SH3BGRL2: variants seen among roughly 807,000 people sequenced by gnomAD.
The protein encoded by SH3BGRL2 is SH3 domain binding glutamate rich protein like 2.
SH3BGRL2 carries 21 observed loss-of-function variants against 14.8 expected under a neutral mutation model. That is an observed-to-expected ratio of 1.42 (90% CI 1.01 to 2.05). The LOEUF (loss-of-function observed/expected upper bound fraction) is 2.05, where lower values mean the gene tolerates loss of function less well. Among genes scored for constraint, SH3BGRL2 ranks in the 30% most tolerant of loss-of-function variants. SH3BGRL2 has a pLI of 0.00. For synonymous variants in SH3BGRL2, 50 were observed against 47.8 expected (o/e 1.05, Z -0.19); for missense variants, 147 against 130.8 (o/e 1.12, Z -0.61).
chr6:79,696,993 A>G (rs905544114), intron 3 of SH3BGRL2, among the ~76,000 whole-genome samples: 1 of 152,140 alleles, frequency 6.6e-6, no homozygotes, highest in Non-Finnish European at 1.5e-5. Flanking sequence ...CTTGAAAAAA[A>G]TCTTCAATTC....
At chr6:79,567,424 T>TTCAC in the SH3BGRL2 span, among the ~76,000 whole-genome samples, 1 of 152,252 alleles carries the variant, frequency 6.6e-6, no homozygotes, top group Admixed American at 6.5e-5. Context: ...TATTTAAAGT[T>TTCAC]TCACTAGTAT....
chr6:79,554,543 A>C, the SH3BGRL2 span, among the ~76,000 whole-genome samples: 651 of 152,352 alleles, frequency 4.3e-3, 3 homozygotes, highest in Non-Finnish European at 6.2e-3. Flanking sequence ...TTTGTAATTC[A>C]AATGTACTTT....
the SH3BGRL2 span, among the ~76,000 whole-genome samples, chr6:79,544,136 TTCTG>T: frequency 6.6e-6 from 1 of 152,174 alleles, no homozygotes; most frequent in South Asian, 2.1e-4. Context: ...CATCCCTCTT[TTCTG>T]TCTAACACTA....
the SH3BGRL2 span, among the ~76,000 whole-genome samples, chr6:79,563,881 A>G: frequency 6.6e-6 from 1 of 152,236 alleles, no homozygotes; most frequent in Admixed American, 6.5e-5. Context: ...GTGTCTGTAA[A>G]TGGGGTTTTG....
the SH3BGRL2 span, among the ~76,000 whole-genome samples, chr6:79,547,595 C>T: frequency 6.6e-6 from 1 of 152,138 alleles, no homozygotes; most frequent in African/African-American, 2.4e-5. Flanking sequence ...AGACTGCTCC[C>T]CAACATTAGT....
the SH3BGRL2 span, among the ~76,000 whole-genome samples, chr6:79,595,598 C>CA: frequency 6.6e-6 from 1 of 152,068 alleles, no homozygotes; most frequent in South Asian, 2.1e-4. Context: ...TCAGTAGACA[C>CA]AGAAAATGCA....
At chr6:79,627,055 T>C (rs750966303), upstream of SH3BGRL2, among the ~76,000 whole-genome samples, 1 of 152,154 alleles carries the variant, frequency 6.6e-6, no homozygotes, top group Non-Finnish European at 1.5e-5. Flanking sequence ...GTGTCTCAGC[T>C]TCTCACTACA....
the SH3BGRL2 span, among the ~76,000 whole-genome samples, chr6:79,608,227 A>G: frequency 6.6e-6 from 1 of 152,162 alleles, no homozygotes; most frequent in Non-Finnish European, 1.5e-5. Flanking sequence ...ACAATTTAAC[A>G]TGAGACTTGC....
At chr6:79,610,816 C>T in the SH3BGRL2 span, among the ~76,000 whole-genome samples, 2 of 152,124 alleles carry the variant, frequency 1.3e-5, no homozygotes, top group African/African-American at 4.8e-5. Context: ...CTGCACAGTC[C>T]CCATCCTTGT....
At chr6:79,581,253 A>G in the SH3BGRL2 span, among the ~76,000 whole-genome samples, 2 of 152,224 alleles carry the variant, frequency 1.3e-5, no homozygotes, top group Non-Finnish European at 2.9e-5. Flanking sequence ...GATTCCAATC[A>G]ACAGAAAAAG....
chr6:79,563,964 T>C, the SH3BGRL2 span, among the ~76,000 whole-genome samples: 1 of 152,200 alleles, frequency 6.6e-6, no homozygotes, highest in Admixed American at 6.5e-5. Flanking sequence ...GGAAAAGCTG[T>C]GCAATCAGGC....
chr6:79,691,413 G>C (rs1171901855), intron 2 of SH3BGRL2, among the ~76,000 whole-genome samples: 2 of 150,520 alleles, frequency 1.3e-5, no homozygotes, highest in African/African-American at 2.5e-5. Context: ...GTGCAGGTTT[G>C]TTACATATGT....
rs1445299016 is a variant in SH3BGRL2, at chr6:79,643,080, C to T, written c.45+11574C>T. ...TGAACAATTACTCTTTATCTGTGTC[C>T]AGCAATGTGGTACAATATTTACTTT... is the stretch of plus-strand genomic sequence containing the variant. On this transcript the variant is annotated intron_variant, in intron 1 of 3. Transcript: ENST00000369838. Among the ~76,000 whole-genome samples the T allele has an allele frequency of 3.3e-5, 5 of 152,076 alleles. No homozygotes were observed. In the East Asian group the frequency reaches 9.6e-4, roughly 29 times the overall value.
At chr6:79,563,656 A>G in the SH3BGRL2 span, among the ~76,000 whole-genome samples, 1 of 152,136 alleles carries the variant, frequency 6.6e-6, no homozygotes, top group African/African-American at 2.4e-5. Context: ...TCAGCCACCC[A>G]CCAAATATGT....
chr6:79,580,817 CA>C, the SH3BGRL2 span, among the ~76,000 whole-genome samples: 2 of 152,106 alleles, frequency 1.3e-5, no homozygotes, highest in East Asian at 1.9e-4. Context: ...GACAGAGACA[CA>C]AAAAAACCTT....
chr6:79,692,009 C>T (rs1437088361), intron 2 of SH3BGRL2, among the ~76,000 whole-genome samples: 1 of 152,130 alleles, frequency 6.6e-6, no homozygotes, highest in Non-Finnish European at 1.5e-5. Flanking sequence ...ACATCCTCTC[C>T]AGCACCTGTT....
intron 2 of SH3BGRL2, among the ~76,000 whole-genome samples, chr6:79,691,119 A>G (rs1770204817): frequency 6.6e-6 from 1 of 151,970 alleles, no homozygotes; most frequent in African/African-American, 2.4e-5. Context: ...ACACCATTAC[A>G]CTCCAGTCTG....
At chr6:79,618,596 C>T in the SH3BGRL2 span, among the ~76,000 whole-genome samples, 1 of 152,054 alleles carries the variant, frequency 6.6e-6, no homozygotes, top group Admixed American at 6.6e-5. Context: ...ATCCCAGCTA[C>T]TCAGGAGGCT....
chr6:79,694,391 T>C (rs1040260161), intron 2 of SH3BGRL2, among the ~76,000 whole-genome samples: 1 of 152,218 alleles, frequency 6.6e-6, no homozygotes, highest in Non-Finnish European at 1.5e-5. Flanking sequence ...ATGAGGGAAT[T>C]ATTACTCAAC....
Sources: allele counts gnomAD v4.1 joint callset (sites outside exome capture counted in the v4.1 genomes callset), GRCh38; gene constraint gnomAD v4.1.1; transcripts MANE v1.5; gene names NCBI Gene and HGNC (gene_info 2026-07-23, HGNC 2026-07-21).